The following NMNAT3 variants were observed in gnomAD, a reference collection of about 807,000 sequenced individuals.
NMNAT3 encodes nicotinamide/nicotinic acid mononucleotide adenylyltransferase 3.
NMNAT3 carries 21 observed loss-of-function variants against 24.8 expected under a neutral mutation model. The ratio of observed to expected loss-of-function variants is 0.85; its 90% CI spans 0.60 to 1.22. The LOEUF (loss-of-function observed/expected upper bound fraction) is 1.22. Ranked by LOEUF, NMNAT3 falls within the 50% of genes most tolerant of loss-of-function variation. The pLI is 0.00. For synonymous variants in NMNAT3, 136 were observed against 155.2 expected (o/e 0.88, Z 0.92); for missense variants, 387 against 436.6 (o/e 0.89, Z 1.01).
intron 1 of NMNAT3, among the ~76,000 whole-genome samples, chr3:139,672,927 G>A (rs1337101079): frequency 6.6e-6 from 1 of 152,148 alleles, no homozygotes; most frequent in Non-Finnish European, 1.5e-5. Context: ...GGTTCCTCAC[G>A]AAGGACTGTG....
chr3:139,655,299 C>T (rs113643269), intron 1 of NMNAT3, among the ~76,000 whole-genome samples: 2,517 of 152,208 alleles, frequency 0.017, 65 homozygotes, highest in African/African-American at 0.058. Flanking sequence ...TGGTTTTATG[C>T]AAGAGAGTGA....
intron 4 of NMNAT3, among the ~76,000 whole-genome samples, chr3:139,580,777 A>G (rs574438208): frequency 1.3e-5 from 2 of 152,010 alleles, no homozygotes; most frequent in African/African-American, 4.8e-5. Context: ...CATATCTAAA[A>G]TTTGAAATTT....
intron 4 of NMNAT3, among the ~76,000 whole-genome samples, chr3:139,582,338 A>C (rs1376533152): frequency 3.2e-4 from 49 of 151,470 alleles, no homozygotes; most frequent in Admixed American, 3.1e-3. Context: ...GAATATTCTT[A>C]TTCTTAGAAA....
chr3:139,612,167 C>CAA (rs11406804), intron 3 of NMNAT3, among the ~76,000 whole-genome samples: 3,271 of 128,048 alleles, frequency 0.026, 68 homozygotes, highest in Middle Eastern at 0.069. Flanking sequence ...AACTCCGTCT[C>CAA]AAAAAAAAAA....
chr3:139,561,636 A>AT lies in NMNAT3; in HGVS notation c.659-245dup, dbSNP rs201381319. Among the ~76,000 whole-genome samples, 550 of 152,078 alleles carry AT rather than the reference A, an allele frequency of 3.6e-3. 10 individuals are homozygous for AT. The highest frequency in any genetic ancestry group is 0.034 in the East Asian group (178 of 5,174). On this transcript the variant is annotated intron_variant, in intron 6 of 6. Transcript: ENST00000643695. ...TATTGGAAAAGTGCCAAGGAATACG[A>AT]TTTTTTTTCTTTTCAGTGTTCTAAC...
chr3:139,661,089 A>G (rs1417413872), intron 1 of NMNAT3, among the ~76,000 whole-genome samples: 1 of 152,198 alleles, frequency 6.6e-6, no homozygotes, highest in Non-Finnish European at 1.5e-5. Flanking sequence ...GTCGCATACC[A>G]TAAGCAATCT....
intron 3 of NMNAT3, among the ~76,000 whole-genome samples, chr3:139,611,445 G>A (rs2055210819): frequency 6.6e-6 from 1 of 152,172 alleles, no homozygotes; most frequent in African/African-American, 2.4e-5. Flanking sequence ...GGAAACACAA[G>A]CTAGAGAGAT....
intron 3 of NMNAT3, among the ~76,000 whole-genome samples, chr3:139,597,362 G>A (rs889513834): frequency 2.0e-5 from 3 of 152,084 alleles, no homozygotes; most frequent in African/African-American, 7.2e-5. Context: ...TGTGTATTGA[G>A]ATGATGATTT....
chr3:139,603,743 A>C (rs16849184), intron 3 of NMNAT3, among the ~76,000 whole-genome samples: 41,774 of 151,910 alleles, frequency 0.27, 6,166 homozygotes, highest in African/African-American at 0.36. Flanking sequence ...CAACTAACCA[A>C]TGCTGCTGCC....
chr3:139,645,998 T>A (rs894490963), intron 1 of NMNAT3, among the ~76,000 whole-genome samples: 6 of 152,198 alleles, frequency 3.9e-5, no homozygotes, highest in Non-Finnish European at 7.4e-5. Context: ...TTTTTCATAA[T>A]GGGACTCAGT....
intron 2 of NMNAT3, among the ~76,000 whole-genome samples, chr3:139,628,988 G>A (rs2056174638): frequency 6.6e-6 from 1 of 152,194 alleles, no homozygotes; most frequent in Non-Finnish European, 1.5e-5. Flanking sequence ...ATGGTGGTGT[G>A]TCTGTGGTAG....
At chr3:139,653,680 C>T (rs375256214) in intron 1 of NMNAT3, among the ~76,000 whole-genome samples, 28 of 152,254 alleles carry the variant, frequency 1.8e-4, no homozygotes, top group East Asian at 1.2e-3. Context: ...GCCAGGTTTA[C>T]GAAATTCTGG....
chr3:139,650,351 A>T (rs2057015186), intron 1 of NMNAT3, among the ~76,000 whole-genome samples: 1 of 152,168 alleles, frequency 6.6e-6, no homozygotes, highest in Non-Finnish European at 1.5e-5. Context: ...ATAGATTGGG[A>T]GTTGGATTTT....
At chr3:139,608,495 G>T (rs995113075) in intron 3 of NMNAT3, among the ~76,000 whole-genome samples, 1 of 152,132 alleles carries the variant, frequency 6.6e-6, no homozygotes, top group Non-Finnish European at 1.5e-5. Context: ...TGTCACTTCC[G>T]CTGTTCACCC....
chr3:139,673,700 A>G (rs915687853), intron 1 of NMNAT3, among the ~76,000 whole-genome samples: 3 of 151,990 alleles, frequency 2.0e-5, no homozygotes, highest in African/African-American at 7.3e-5. Context: ...TGCAGACTCC[A>G]TGAGGGTCAG....
chr3:139,598,788 C>T (rs1479327716), intron 3 of NMNAT3, among the ~76,000 whole-genome samples: 2 of 152,134 alleles, frequency 1.3e-5, no homozygotes, highest in Non-Finnish European at 2.9e-5. Context: ...TGATTTTTCC[C>T]ATGGTTATAC....
In NMNAT3 at chr3:139,561,358, G is replaced by A. The variant is rs145987525; in HGVS notation, c.693C>T (p.Asp231=). The A allele has an allele frequency of 3.0e-4, 488 of 1,613,942 alleles. No individual in the cohort carries two copies. In the African/African-American group the frequency reaches 5.5e-3, roughly 18 times the overall value. Reference sequence around the variant, plus strand: ...TGGGGGTCTGGAAGGTCTTCAAGACGTCTGCCCCACAGAGAAGCTTCAGCT... The same window carrying A: ...TGGGGGTCTGGAAGGTCTTCAAGACATCTGCCCCACAGAGAAGCTTCAGCT... The change falls in exon 7 of 7, where the codon GAC becomes GAT. Residue 231 remains aspartate, a synonymous_variant. Coordinates refer to ENST00000643695, the MANE Select transcript of NMNAT3 (RefSeq NM_001320510.2).
chr3:139,569,130 T>C (rs950842432), intron 6 of NMNAT3: 9 of 152,024 alleles, frequency 5.9e-5, no homozygotes, highest in African/African-American at 1.9e-4. Flanking sequence ...CTTTGTTGGT[T>C]TAAAGTCTGT....
At position 139,630,766 on chromosome 3, in the gene NMNAT3, C is replaced by A. The variant is rs115840326; in HGVS notation, c.-40-3002G>T. Among the ~76,000 whole-genome samples the A allele has an allele frequency of 2.9e-3, 437 of 152,288 alleles. 1 individual carries two copies. Among genetic ancestry groups the A allele is most frequent in the African/African-American group, 9.8e-3 (408 of 41,556 alleles). The stretch of plus-strand genomic sequence containing the variant: ...CCCAACTGTGTGGGAAGAAAGCAGT[C>A]AACAAGCTGCTGCTAGCTTTTTCCC... On this transcript the variant is annotated intron_variant, in intron 2 of 6. Transcript: ENST00000643695.
Sources: gnomAD v4.1 joint callset for allele counts (sites outside exome capture counted in the v4.1 genomes callset) on GRCh38, gnomAD v4.1.1 for gene constraint, MANE v1.5 for transcripts, NCBI Gene and HGNC (gene_info 2026-07-23, HGNC 2026-07-21) for gene names.